TASOR2: variants seen among roughly 807,000 people sequenced by gnomAD.
TASOR2 encodes protein TASOR 2.
TASOR2 carries 84 observed loss-of-function variants against 199.5 expected under a neutral mutation model. The ratio of observed to expected loss-of-function variants is 0.42; its 90% CI spans 0.35 to 0.50. TASOR2 has a LOEUF of 0.50. Among genes scored for constraint, TASOR2 ranks in the 20% least tolerant of loss-of-function variants. The probability of loss-of-function intolerance (pLI) is 0.02; values close to 1 mark genes in which losing one functional copy is unlikely to be tolerated. For synonymous variants in TASOR2, 1,103 were observed against 1,046.6 expected (o/e 1.05, Z -1.04); for missense variants, 2,796 against 2,835.9 (o/e 0.99, Z 0.32).
At chr10:5,747,267 T>C (rs1188149720) in exon 15 of TASOR2, 1 of 1,614,150 alleles carries the variant, frequency 6.2e-7, no homozygotes, top group Admixed American at 1.7e-5. Context: ...ATTCTGACAT[T>C]GACTTAGCTC....
intron 1 of TASOR2, among the ~76,000 whole-genome samples, chr10:5,704,235 A>C (rs1348775939): frequency 1.3e-5 from 2 of 152,102 alleles, no homozygotes; most frequent in East Asian, 1.9e-4. Flanking sequence ...AAAAAAAAAA[A>C]AAAGAAAGTT....
chr10:5,724,486 G>C (rs1408888240), exon 8 of TASOR2: 1 of 1,528,980 alleles, frequency 6.5e-7, no homozygotes, highest in Non-Finnish European at 8.8e-7. Context: ...AAACAGACAA[G>C]GGGAAAATAT....
At chr10:5,696,513 C>G (rs1387294390) in intron 1 of TASOR2, among the ~76,000 whole-genome samples, 1 of 152,118 alleles carries the variant, frequency 6.6e-6, no homozygotes. Flanking sequence ...TATGCCCCCA[C>G]GTCCAGCTGA....
exon 15 of TASOR2, chr10:5,747,990 G>A (rs1837458087): frequency 1.2e-6 from 2 of 1,609,634 alleles, no homozygotes; most frequent in Non-Finnish European, 1.7e-6. Context: ...GCTATGGTAG[G>A]GAGTTAAACC....
chr10:5,726,486 A>T (rs1468859216), intron 8 of TASOR2, among the ~76,000 whole-genome samples: 2 of 152,236 alleles, frequency 1.3e-5, no homozygotes, highest in Non-Finnish European at 2.9e-5. Flanking sequence ...GATAATTTTC[A>T]TGTAAATATG....
At chr10:5,756,032 A>G (rs1838890453) in intron 15 of TASOR2, among the ~76,000 whole-genome samples, 1 of 152,196 alleles carries the variant, frequency 6.6e-6, no homozygotes, top group East Asian at 1.9e-4. Flanking sequence ...TAGGGAGTGT[A>G]GGATTATAGA....
chr10:5,757,574 G>C (rs1287702202), exon 17 of TASOR2: 1 of 1,612,944 alleles, frequency 6.2e-7, no homozygotes, highest in African/African-American at 1.3e-5. Context: ...TGCTGGAGTA[G>C]ACAGCCCTGG....
rs1224982591 is a variant in TASOR2, at chr10:5,746,172, G to A, written c.2758-7G>A. Reference sequence around the variant, plus strand: ...ATTTTTTTTTTTTTTTACTTTGGCCGTTTCAGGTAACTGGGGAAGAAGCTA... The same window carrying A: ...ATTTTTTTTTTTTTTTACTTTGGCCATTTCAGGTAACTGGGGAAGAAGCTA... On this transcript the variant is annotated splice_polypyrimidine_tract_variant and splice_region_variant and intron_variant, in intron 14 of 20. Coordinates refer to ENST00000328090, the Ensembl canonical transcript of TASOR2. 12 of 1,467,128 alleles carry A rather than the reference G, an allele frequency of 8.2e-6. No individual in the cohort carries two copies. Among genetic ancestry groups the A allele is most frequent in the East Asian group, 2.4e-5 (1 of 41,394 alleles). The allele number at this position is 1,467,128 out of a possible 1,614,324, so 90.9% of individuals were successfully genotyped here.
chr10:5,707,648 T>G, intron 1 of TASOR2, among the ~76,000 whole-genome samples: 2 of 134,244 alleles, frequency 1.5e-5, no homozygotes, highest in East Asian at 2.3e-4. Context: ...AAGATTCTCA[T>G]TCTCTTTCTC....
At chr10:5,723,593 A>G (rs1389512938) in intron 6 of TASOR2, 84 bp from the exon 8 acceptor site, 4 of 760,070 alleles carry the variant, frequency 5.3e-6, no homozygotes, top group African/African-American at 1.8e-5. Flanking sequence ...ATTTTTGTTT[A>G]CATTTATATT....
chr10:5,717,581 C>G (rs1373308095), intron 2 of TASOR2, 78 bp from the exon 4 acceptor site: 1 of 516,862 alleles, frequency 1.9e-6, no homozygotes, highest in Non-Finnish European at 3.0e-6. Context: ...AGCTTTCTTT[C>G]TAATTGGTCT....
At chr10:5,717,952 A>AAAATAAT (rs1832859718) in intron 3 of TASOR2, among the ~76,000 whole-genome samples, 1 of 152,178 alleles carries the variant, frequency 6.6e-6, no homozygotes, top group Admixed American at 6.5e-5. Context: ...TTTAACTTCA[A>AAAATAAT]AAATAATAAA....
At position 5,738,522 on chromosome 10, in the gene TASOR2, C is replaced by G. The variant is rs904617396; in HGVS notation, c.1448-1096C>G. 6.6e-6 allele frequency among the ~76,000 whole-genome samples: 1 copy of G among 152,180 alleles called. No individual in the cohort carries two copies. The highest frequency in any genetic ancestry group is 1.5e-5 in the Non-Finnish European group (1 of 68,040). ...CTTTGGGTCCTTTTCATCCACCTGT[C>G]CCCTTTGAGTTTGCTGTTTTAAATA... On this transcript the variant is annotated intron_variant, in intron 12 of 20. Coordinates refer to ENST00000328090, the Ensembl canonical transcript of TASOR2. The surrounding 1 kb of genome is among the most constrained non-coding windows in gnomAD (Gnocchi z 4.7).
chr10:5,743,720 C>T (rs1836756246), intron 14 of TASOR2: 1 of 152,166 alleles, frequency 6.6e-6, no homozygotes, highest in South Asian at 2.1e-4. Context: ...ATGCTAGTTT[C>T]TTATAAAATA....
At chr10:5,746,550 G>T (rs1808964271) in exon 15 of TASOR2, 1 of 1,614,152 alleles carries the variant, frequency 6.2e-7, no homozygotes, top group East Asian at 2.2e-5. Context: ...ATAATATGGG[G>T]TGTGCAGTGA....
In TASOR2 at chr10:5,699,638, A is replaced by G. The variant is rs1207729113; in HGVS notation, c.-287-13185A>G. 1 of 192,030 alleles carries G rather than the reference A, an allele frequency of 5.2e-6. No individual in the cohort carries two copies. Among genetic ancestry groups the G allele is most frequent in the Non-Finnish European group, 9.6e-6 (1 of 104,618 alleles). The allele number at this position is 192,030 out of a possible 1,614,324, so 11.9% of individuals were successfully genotyped here. ...TAGAGTGTGAAATGGGAACCAGCAG[A>G]AAAAAAGAAATAGAGAAAAATGATC... On this transcript the variant is annotated intron_variant, in intron 1 of 20. Transcript: ENST00000328090. This position sits in a 1 kb window ranked among gnomAD's most constrained non-coding sequence, Gnocchi z 4.1.
chr10:5,749,890 T>G (rs760303799), exon 15 of TASOR2: 1 of 1,614,184 alleles, frequency 6.2e-7, no homozygotes, highest in South Asian at 1.1e-5. Context: ...ACGGTCAGCC[T>G]CCTATGAAGA....
chr10:5,740,359 C>T lies in TASOR2; in HGVS notation c.2189C>T (p.Ser730Phe). Reference sequence around the variant, plus strand: ...CCACCGTCTGCCCGTGTGAAAAAATCTTCTTGCTCTCGTATAGTGCTTAGC... The same window carrying T: ...CCACCGTCTGCCCGTGTGAAAAAATTTTCTTGCTCTCGTATAGTGCTTAGC... The change falls in exon 13 of 21, where the codon TCT (serine) becomes TTT (phenylalanine). Residue 730 changes from serine (S) to phenylalanine (F), a missense_variant. Physicochemically the swap from Ser to Phe is radical, Grantham distance 155. Around this residue, in one of 3 missense-constraint regions of TASOR2, gnomAD observed 847 missense variants for 887.4 expected, o/e 0.95. Coordinates refer to ENST00000328090, the Ensembl canonical transcript of TASOR2. This position sits in a 1 kb window ranked among gnomAD's most constrained non-coding sequence, Gnocchi z 5.3. The T allele has an allele frequency of 6.2e-7, 1 of 1,614,054 alleles. No homozygotes were observed. Among genetic ancestry groups the T allele is most frequent in the Non-Finnish European group, 8.5e-7 (1 of 1,179,884 alleles).
chr10:5,728,910 TTTTA>T (rs1191058155), intron 10 of TASOR2, among the ~76,000 whole-genome samples: 3 of 150,992 alleles, frequency 2.0e-5, no homozygotes, highest in Non-Finnish European at 2.9e-5. Flanking sequence ...TCTAATTTCA[TTTTA>T]TTTTATTTTT....
Sources: allele counts gnomAD v4.1 joint callset (sites outside exome capture counted in the v4.1 genomes callset), GRCh38; gene constraint gnomAD v4.1.1; regional missense constraint gnomAD v4.1.1; non-coding constraint Gnocchi (gnomAD v3.1); transcripts MANE v1.5; gene names NCBI Gene and HGNC (gene_info 2026-07-23, HGNC 2026-07-21).